COL14A1: variants seen among roughly 807,000 people sequenced by gnomAD.
COL14A1 encodes the protein collagen type XIV alpha 1 chain.
COL14A1 carries 136 observed loss-of-function variants against 230.3 expected under a neutral mutation model. That is an observed-to-expected ratio of 0.59 (90% CI 0.51 to 0.68). The LOEUF (loss-of-function observed/expected upper bound fraction) is 0.68, where lower values mean the gene tolerates loss of function less well. COL14A1 is among the 30% of genes least tolerant of loss of function. The probability of loss-of-function intolerance (pLI) is 0.00; values close to 1 mark genes in which losing one functional copy is unlikely to be tolerated. For missense variants in COL14A1, 1,976 were observed against 2,215.8 expected (o/e 0.89, Z 2.17); for synonymous variants, 792 against 784.1 (o/e 1.01, Z -0.17).
intron 36 of COL14A1, among the ~76,000 whole-genome samples, chr8:120,304,746 G>A (rs1820809477): frequency 6.6e-6 from 1 of 152,130 alleles, no homozygotes; most frequent in Non-Finnish European, 1.5e-5. Context: ...GAAAATGGTT[G>A]AGGACAGCAT....
chr8:120,185,312 T>C (rs1314118655), intron 5 of COL14A1, among the ~76,000 whole-genome samples: 1 of 152,154 alleles, frequency 6.6e-6, no homozygotes, highest in Non-Finnish European at 1.5e-5. Flanking sequence ...ATGGTAGTGA[T>C]AGTGTGATAT....
intron 45 of COL14A1, among the ~76,000 whole-genome samples, chr8:120,349,855 G>A (rs1298165528): frequency 1.4e-5 from 2 of 146,118 alleles, no homozygotes; most frequent in Non-Finnish European, 1.5e-5. Context: ...AGCAAGGCAG[G>A]CCAATGTTCA....
rs549977510 is a variant in COL14A1 at position 120,350,270 on chromosome 8, C to T, written c.5077+4707C>T. On this transcript the variant is annotated intron_variant, in intron 45 of 47. Coordinates refer to ENST00000297848, the MANE Select transcript of COL14A1 (RefSeq NM_021110.4). ...ATGGAAAGGAACAACCGGTACCAGC[C>T]GCTGCAAAATCATGCCAAAATGTAA... is the stretch of plus-strand genomic sequence containing the variant. 1.5e-4 allele frequency among the ~76,000 whole-genome samples: 23 copies of T among 151,782 alleles called. No individual in the cohort carries two copies. In the East Asian group the frequency reaches 3.1e-3, roughly 20 times the overall value.
At chr8:120,185,028 A>G (rs1238630297) in intron 5 of COL14A1, among the ~76,000 whole-genome samples, 1 of 152,200 alleles carries the variant, frequency 6.6e-6, no homozygotes, top group African/African-American at 2.4e-5. Flanking sequence ...ATTTCTAGGA[A>G]GACAGAAGTT....
intron 44 of COL14A1, among the ~76,000 whole-genome samples, chr8:120,345,090 T>A (rs975217154): frequency 6.6e-6 from 1 of 152,124 alleles, no homozygotes; most frequent in Non-Finnish European, 1.5e-5. Context: ...AGGGTAAAGA[T>A]GAAATTTACA....
intron 4 of COL14A1, among the ~76,000 whole-genome samples, chr8:120,163,452 C>T (rs1035605391): frequency 1.3e-5 from 2 of 152,114 alleles, no homozygotes; most frequent in Non-Finnish European, 2.9e-5. Context: ...GAAGCATTTC[C>T]TTAGATTGAG....
chr8:120,156,747 T>C (rs991783061), intron 2 of COL14A1, among the ~76,000 whole-genome samples: 1 of 152,172 alleles, frequency 6.6e-6, no homozygotes, highest in Non-Finnish European at 1.5e-5. Context: ...AAAGTTGTCA[T>C]CTCTCCTTTG....
rs374928649 is a variant in COL14A1, at chr8:120,289,604, C to T, written c.4078-4C>T. ...ACCTCCTAAAACATCTTACTTTTAC[C>T]TAGCTACACATTGTTGTCAGTGAGA... On this transcript the variant is annotated splice_region_variant and splice_polypyrimidine_tract_variant and intron_variant, in intron 33 of 47. Transcript: ENST00000297848. 4 of 1,612,162 alleles carry T rather than the reference C, an allele frequency of 2.5e-6. No individual in the cohort carries two copies. The African/African-American group carries it at 4.0e-5, about 16-fold the overall frequency.
chr8:120,168,186 T>C lies in COL14A1; in HGVS notation c.375T>C (p.Asp125=). The C allele has an allele frequency of 1.2e-6, 2 of 1,612,444 alleles. No individual in the cohort carries two copies. Among genetic ancestry groups the C allele is most frequent in the Non-Finnish European group, 1.7e-6 (2 of 1,179,024 alleles). ...FRIKDLEKRK[D]PKPRVKVVDR... is the part of the protein sequence containing the mutation. The stretch of plus-strand genomic sequence containing the variant: ...TTAAAGATTTAGAAAAAAGAAAGGA[T>C]CCAAAGCCCAGAGTCAAAGTTGTGG... The change falls in exon 5 of 48, where the codon GAT becomes GAC. Residue 125 remains aspartate (D), a synonymous_variant. Coordinates refer to ENST00000297848, the MANE Select transcript of COL14A1 (RefSeq NM_021110.4).
At chr8:120,245,898 C>T (rs1415398842) in intron 20 of COL14A1, among the ~76,000 whole-genome samples, 2 of 152,176 alleles carry the variant, frequency 1.3e-5, no homozygotes, top group Non-Finnish European at 2.9e-5. Context: ...CTGCTAGTGT[C>T]ACTTCTGCTG....
Position 120,202,617 on chromosome 8 carries a change from G to A in COL14A1, c.878-1092G>A, listed in dbSNP as rs1586761947. ...TTGGTAAATGTTTACTCATTTTAAT[G>A]TGCAGTCTTCTGAGAGGCAGTATAA... On this transcript the variant is annotated intron_variant, in intron 8 of 47. Coordinates refer to ENST00000297848, the MANE Select transcript of COL14A1 (RefSeq NM_021110.4). Among the ~76,000 whole-genome samples the A allele has an allele frequency of 3.3e-5, 5 of 152,174 alleles. No homozygotes were observed. The South Asian group carries it at 1.0e-3, about 32-fold the overall frequency.
intron 24 of COL14A1, 147 bp downstream of exon 24, chr8:120,263,161 C>T (rs1478843476): frequency 2.4e-6 from 2 of 840,324 alleles, no homozygotes; most frequent in Non-Finnish European, 3.4e-6. Flanking sequence ...TTACTCAACC[C>T]CAGAATTCAT....
Position 120,212,463 on chromosome 8 carries a change from A to G in COL14A1, c.1483A>G (p.Thr495Ala). 1 of 1,613,342 alleles carries G rather than the reference A, an allele frequency of 6.2e-7. No individual in the cohort carries two copies. Among genetic ancestry groups the G allele is most frequent in the Non-Finnish European group, 8.5e-7 (1 of 1,179,490 alleles). Residue 495 changes from threonine (T) to alanine (A), a missense_variant, in exon 13 of 48, where the codon ACC (threonine) becomes GCC (alanine). This residue lies in a region of COL14A1 where 1,791 missense variants were observed against 2,019.5 expected (regional missense o/e 0.89). Transcript: ENST00000297848. The part of the protein sequence containing the change: ...GDEKEMKIGE[T>A]HTDIELSGLL... ...TTCTTTTCAGATGAAAATTGGAGAG[A>G]CCCACACAGATATTGAATTGAGTGG...
chr8:120,323,133 A>G (rs1006375989), intron 40 of COL14A1, among the ~76,000 whole-genome samples: 5 of 151,986 alleles, frequency 3.3e-5, no homozygotes, highest in African/African-American at 1.2e-4. Context: ...ATCGCATCTC[A>G]TTGTGGTTTT....
In COL14A1 at chr8:120,268,052, C is replaced by T. The variant is rs554557389; in HGVS notation, c.3073+1169C>T. ...CAAATGCTGCAGAGAGTAGAAGACA[C>T]AAATAAACAGAGGCAATTAAGAACT... On this transcript the variant is annotated intron_variant, in intron 25 of 47. Coordinates refer to ENST00000297848, the MANE Select transcript of COL14A1 (RefSeq NM_021110.4). Among the ~76,000 whole-genome samples, 3 of 151,896 alleles carry T rather than the reference C, an allele frequency of 2.0e-5. No homozygotes were observed. In the South Asian group the frequency reaches 6.2e-4, roughly 32 times the overall value.
At chr8:120,164,382 A>C (rs1386580366) in intron 4 of COL14A1, among the ~76,000 whole-genome samples, 1 of 152,072 alleles carries the variant, frequency 6.6e-6, no homozygotes, top group Non-Finnish European at 1.5e-5. Context: ...TTGTGCAGCA[A>C]TGTTCTATCT....
chr8:120,329,411 A>G (rs1409473382), intron 40 of COL14A1, among the ~76,000 whole-genome samples: 1 of 152,198 alleles, frequency 6.6e-6, no homozygotes, highest in Non-Finnish European at 1.5e-5. Flanking sequence ...GTCCGAGACC[A>G]GCCTGAGCAA....
At chr8:120,298,638 T>TATATATACAC (rs398009611) in intron 35 of COL14A1, among the ~76,000 whole-genome samples, 5 of 118,920 alleles carry the variant, frequency 4.2e-5, no homozygotes, top group African/African-American at 1.6e-4. Context: ...TATATATATA[T>TATATATACAC]ACAAAAATAC....
chr8:120,246,985 G>A (rs1214285941), intron 20 of COL14A1, among the ~76,000 whole-genome samples: 1 of 152,162 alleles, frequency 6.6e-6, no homozygotes, highest in Non-Finnish European at 1.5e-5. Context: ...GAACACAGTG[G>A]CATGGAGACA....
Sources: allele counts gnomAD v4.1 joint callset (sites outside exome capture counted in the v4.1 genomes callset), GRCh38; gene constraint gnomAD v4.1.1; regional missense constraint gnomAD v4.1.1; transcripts MANE v1.5; gene names NCBI Gene and HGNC (gene_info 2026-07-23, HGNC 2026-07-21).